The following MCM2 variants were observed in gnomAD, a reference collection of about 807,000 sequenced individuals.
MCM2 encodes the protein minichromosome maintenance complex component 2.
In MCM2, 49 loss-of-function variants were observed where a neutral mutation model predicts 86.4. That is an observed-to-expected ratio of 0.57 (90% CI 0.45 to 0.72). MCM2 has a LOEUF of 0.72. Ranked by LOEUF, MCM2 falls within the 30% of genes least tolerant of loss-of-function variation. The pLI, the probability that MCM2 is intolerant of heterozygous loss-of-function variation, is 0.00. For synonymous variants in MCM2, 475 were observed against 484.6 expected (o/e 0.98, Z 0.26); for missense variants, 1,038 against 1,259.9 (o/e 0.82, Z 2.67).
intron 15 of MCM2, 72 bp downstream of exon 15, chr3:127,621,300 C>A (rs1465954516): frequency 2.1e-5 from 33 of 1,574,808 alleles, no homozygotes; most frequent in Non-Finnish European, 2.9e-5. Context: ...GATGGGGGCT[C>A]CATCATAATG....
chr3:127,607,342 C>T (rs573108194), intron 6 of MCM2, among the ~76,000 whole-genome samples: 19 of 152,358 alleles, frequency 1.2e-4, no homozygotes, highest in Non-Finnish European at 2.4e-4. Flanking sequence ...TGTACTTGAG[C>T]GTCCCTGTAA....
rs373318008 is a variant in MCM2, at chr3:127,617,055, C to G, written c.1710C>G (p.Thr570=). The G allele has an allele frequency of 6.2e-7, 1 of 1,614,092 alleles. No homozygotes were observed. Among genetic ancestry groups the G allele is most frequent in the Non-Finnish European group, 8.5e-7 (1 of 1,180,044 alleles). The part of the protein sequence containing the change: ...VQRHPVSREW[T]LEAGALVLAD... ...GGCACCCTGTCAGCAGGGAGTGGAC[C>G]TTGGAGGCTGGGGCCCTGGTTCTGG... The change falls in exon 10 of 16, where the codon ACC becomes ACG. Residue 570 remains threonine, a synonymous_variant. Transcript: ENST00000265056. The surrounding 1 kb of genome is among the most constrained non-coding windows in gnomAD (Gnocchi z 4.1).
At chr3:127,611,531 C>T (rs910609721) in intron 8 of MCM2, among the ~76,000 whole-genome samples, 1 of 152,098 alleles carries the variant, frequency 6.6e-6, no homozygotes, top group African/African-American at 2.4e-5. Flanking sequence ...GACTTGTTCC[C>T]CAAATGGAGG....
At chr3:127,604,022 C>T (rs1454747048) in intron 2 of MCM2, among the ~76,000 whole-genome samples, 1 of 152,122 alleles carries the variant, frequency 6.6e-6, no homozygotes, top group Non-Finnish European at 1.5e-5. Flanking sequence ...CTCCTGGGCT[C>T]AAGTGATCCT....
rs541068358 is a variant in MCM2, at chr3:127,621,436, T to A, written c.2604+208T>A. 3.0e-3 allele frequency among the ~76,000 whole-genome samples: 457 copies of A among 152,248 alleles called. 1 individual carries two copies. Among genetic ancestry groups the A allele is most frequent in the Middle Eastern group, 0.014 (4 of 294 alleles). On this transcript the variant is annotated intron_variant, in intron 15 of 15. Coordinates refer to ENST00000265056, the MANE Select transcript of MCM2 (RefSeq NM_004526.4). The stretch of plus-strand genomic sequence containing the variant: ...GTGAGTCCTGTTACTGCCTTCCTGT[T>A]GTGCAGAGGTGGAGACAGATACAGG...
Position 127,617,965 on chromosome 3 carries a change from T to A in MCM2, c.1901-4T>A. The A allele has an allele frequency of 6.2e-7, 1 of 1,611,770 alleles. No individual in the cohort carries two copies. Among genetic ancestry groups the A allele is most frequent in the Non-Finnish European group, 8.5e-7 (1 of 1,178,480 alleles). The stretch of plus-strand genomic sequence containing the variant: ...CCTGATGGAGGTGCTCCCCTGTGTT[T>A]CAGGAGGGCGCTACGACCCCTCGCT... On this transcript the variant is annotated splice_polypyrimidine_tract_variant and splice_region_variant and intron_variant, in intron 11 of 15. Transcript: ENST00000265056. The surrounding 1 kb of genome is among the most constrained non-coding windows in gnomAD (Gnocchi z 4.1).
rs1001999158 is a variant in MCM2 at position 127,618,217 on chromosome 3, G to A, written c.2013+136G>A. 7 of 690,896 alleles carry A rather than the reference G, an allele frequency of 1.0e-5. No homozygotes were observed. The highest frequency in any genetic ancestry group is 2.4e-4 in the Middle Eastern group (1 of 4,100). 42.8% of individuals were successfully genotyped at this position (690,896 alleles called of 1,614,324 possible). A position where few individuals can be genotyped will look rare whatever the true frequency, so the allele number is the denominator to read the frequency against. On this transcript the variant is annotated intron_variant, in intron 12 of 15. Coordinates refer to ENST00000265056, the MANE Select transcript of MCM2 (RefSeq NM_004526.4). The surrounding 1 kb of genome is among the most constrained non-coding windows in gnomAD (Gnocchi z 4.0). ...GGCTGTTTTCTAGTCCTGTTCCCTCGGTCTCTTCTCATGTCCAGAAGTCGC... is the reference window on the plus strand; with the variant it reads ...GGCTGTTTTCTAGTCCTGTTCCCTCAGTCTCTTCTCATGTCCAGAAGTCGC...
chr3:127,609,272 G>C (rs2074375242), intron 8 of MCM2, among the ~76,000 whole-genome samples: 1 of 152,226 alleles, frequency 6.6e-6, no homozygotes, highest in Non-Finnish European at 1.5e-5. Flanking sequence ...TGACCTCTCT[G>C]AGTCTGTGTG....
chr3:127,607,672 G>A (rs1162270014), intron 6 of MCM2, among the ~76,000 whole-genome samples: 1 of 152,228 alleles, frequency 6.6e-6, no homozygotes, highest in African/African-American at 2.4e-5. Context: ...AGGGTTAACA[G>A]TTACAGCTAT....
rs114599204 is a variant in MCM2 at position 127,602,673 on chromosome 3, C to T, written c.237-1935C>T. On this transcript the variant is annotated intron_variant, in intron 2 of 15. Transcript: ENST00000265056. ...GGTGCCTTATTAAGGCATTACTTCTCTTCAGTATCTGAAGGAAGATAATGT... is the reference window on the plus strand; with the variant it reads ...GGTGCCTTATTAAGGCATTACTTCTTTTCAGTATCTGAAGGAAGATAATGT... Among the ~76,000 whole-genome samples, 174 of 152,346 alleles carry T rather than the reference C, an allele frequency of 1.1e-3. 2 individuals are homozygous for T. The highest frequency in any genetic ancestry group is 3.9e-3 in the African/African-American group (162 of 41,578).
chr3:127,606,295 G>C lies in MCM2; in HGVS notation c.851G>C (p.Arg284Pro). 1 of 1,614,232 alleles carries C rather than the reference G, an allele frequency of 6.2e-7. No individual in the cohort carries two copies. The highest frequency in any genetic ancestry group is 8.5e-7 in the Non-Finnish European group (1 of 1,180,036). Residue 284 changes from arginine (R) to proline (P), a missense_variant, in exon 5 of 16, where the codon CGC (arginine) becomes CCC (proline). Around this residue, in one of 4 missense-constraint regions of MCM2, gnomAD observed 399 missense variants for 507.2 expected, o/e 0.79. Transcript: ENST00000265056. The surrounding 1 kb of genome is among the most constrained non-coding windows in gnomAD (Gnocchi z 4.2). The stretch of plus-strand genomic sequence containing the variant: ...CGCATCACCAACCACATCCATGTCC[G>C]CATCTCCCACCTGCCTCTGGTGGAG... ...YDRITNHIHV[R>P]ISHLPLVEEL...
At chr3:127,612,069 A>G (rs1321552104) in intron 8 of MCM2, among the ~76,000 whole-genome samples, 3 of 152,224 alleles carry the variant, frequency 2.0e-5, no homozygotes, top group African/African-American at 7.2e-5. Flanking sequence ...GAGACTTCAC[A>G]TAGAAATCCG....
chr3:127,619,158 GC>G lies in MCM2; in HGVS notation c.2149del (p.Gln717ArgfsTer4). The G allele has an allele frequency of 1.2e-6, 2 of 1,614,178 alleles. No individual in the cohort carries two copies. The highest frequency in any genetic ancestry group is 1.7e-6 in the Non-Finnish European group (2 of 1,180,052). ...CCAACACGTATGGCGTGGAGCCCCT[GC>G]CCCAGGAGGTCCTGAAGAAGTACAT... Reference protein sequence around the residue: ...MPNTYGVEPLPQEVLKKYIIY... With the variant: ...MPNTYGVEPLXQEVLKKYIIY... On this transcript the variant is annotated frameshift_variant, in exon 13 of 16. Transcript: ENST00000265056. LOFTEE classifies it high-confidence loss of function.
At chr3:127,612,794 T>C (rs1289981045) in intron 8 of MCM2, among the ~76,000 whole-genome samples, 1 of 152,172 alleles carries the variant, frequency 6.6e-6, no homozygotes, top group Non-Finnish European at 1.5e-5. Flanking sequence ...GCAGCACACC[T>C]AGAGCCAGGA....
chr3:127,613,281 G>T (rs753294571), intron 8 of MCM2, among the ~76,000 whole-genome samples: 1 of 152,242 alleles, frequency 6.6e-6, no homozygotes, highest in Non-Finnish European at 1.5e-5. Flanking sequence ...GTTAAGAGGA[G>T]TCAAGGATTG....
intron 8 of MCM2, among the ~76,000 whole-genome samples, chr3:127,611,682 C>CT (rs59607211): frequency 0.01 from 568 of 54,278 alleles, 168 homozygotes; most frequent in Middle Eastern, 0.056. Context: ...CTGCAGCTGA[C>CT]TTTTTTTTTT....
chr3:127,610,071 T>C (rs2074383118), intron 8 of MCM2, among the ~76,000 whole-genome samples: 1 of 152,164 alleles, frequency 6.6e-6, no homozygotes, highest in Admixed American at 6.5e-5. Context: ...CTCGAACTCC[T>C]GACCTCAGGT....
rs758652119 is a variant in MCM2 at position 127,616,974 on chromosome 3, C to T, written c.1629C>T (p.Ala543=). The T allele has an allele frequency of 1.2e-6, 2 of 1,614,232 alleles. No homozygotes were observed. Among genetic ancestry groups the T allele is most frequent in the South Asian group, 1.1e-5 (1 of 91,090 alleles). The change falls in exon 10 of 16, where the codon GCC becomes GCT. Residue 543 remains alanine, a synonymous_variant. Coordinates refer to ENST00000265056, the MANE Select transcript of MCM2 (RefSeq NM_004526.4). ...ATATTGAGAAAGTGTCCAGCCGAGC[C>T]ATCTTCACCACTGGCCAGGGGGCGT... is the stretch of plus-strand genomic sequence containing the variant. ...LKYIEKVSSR[A]IFTTGQGASA...
intron 7 of MCM2, 83 bp from the exon 8 acceptor site, chr3:127,608,749 A>G (rs1472395439): frequency 4.9e-6 from 7 of 1,422,972 alleles, no homozygotes; most frequent in Non-Finnish European, 5.9e-6. Context: ...GAGCACTTGC[A>G]ATAGGAGAAA....
Sources: allele counts gnomAD v4.1 joint callset (sites outside exome capture counted in the v4.1 genomes callset), GRCh38; gene constraint gnomAD v4.1.1; regional missense constraint gnomAD v4.1.1; non-coding constraint Gnocchi (gnomAD v3.1); transcripts MANE v1.5; gene names NCBI Gene and HGNC (gene_info 2026-07-23, HGNC 2026-07-21).